RGS8: variants seen among roughly 807,000 people sequenced by gnomAD.
RGS8 encodes regulator of G-protein signaling 8.
RGS8 carries 8 observed loss-of-function variants against 21.7 expected under a neutral mutation model. That is an observed-to-expected ratio of 0.37 (90% CI 0.22 to 0.66). The LOEUF (loss-of-function observed/expected upper bound fraction) is 0.66. Ranked by LOEUF, RGS8 falls within the 30% of genes least tolerant of loss-of-function variation. RGS8 has a pLI of 0.59. For missense variants in RGS8, 157 were observed against 217.9 expected (o/e 0.72, Z 1.76); for synonymous variants, 80 against 83.6 (o/e 0.96, Z 0.24).
At chr1:182,656,031 T>C (rs149142670) in intron 5 of RGS8, among the ~76,000 whole-genome samples, 8 of 152,334 alleles carry the variant, frequency 5.3e-5, no homozygotes, top group African/African-American at 1.9e-4. Flanking sequence ...ACTTACTGAA[T>C]TGGGCTGTTA....
chr1:182,672,661 A>G (rs988657029), upstream of RGS8, among the ~76,000 whole-genome samples: 4 of 152,048 alleles, frequency 2.6e-5, no homozygotes, highest in Admixed American at 2.6e-4. Context: ...GGTTTTTCCT[A>G]CAGTAGAAAC....
rs1426867194 is a variant in RGS8 at position 182,669,742 on chromosome 1, C to T, written c.-93G>A. On this transcript the variant is annotated 5_prime_UTR_variant, in exon 3 of 7. It adds an upstream start codon to the 5' untranslated region. Transcript: ENST00000483095. Reference sequence around the variant, plus strand: ...CGGGGCTCAGGAATTTACCCTTGCACGTCCTCTCACCTAAAATCAAAGAAT... The same window carrying T: ...CGGGGCTCAGGAATTTACCCTTGCATGTCCTCTCACCTAAAATCAAAGAAT... 4.3e-5 allele frequency: 68 copies of T among 1,597,142 alleles called. No individual in the cohort carries two copies. Among genetic ancestry groups the T allele is most frequent in the Non-Finnish European group, 4.9e-5 (57 of 1,170,064 alleles).
chr1:182,749,582 T>C, the RGS8 span, among the ~76,000 whole-genome samples: 133 of 152,354 alleles, frequency 8.7e-4, no homozygotes, highest in Admixed American at 1.6e-3. Context: ...TGAGGTCTTT[T>C]GTGATTCCAT....
At chr1:182,743,002 C>A in the RGS8 span, among the ~76,000 whole-genome samples, 1 of 152,150 alleles carries the variant, frequency 6.6e-6, no homozygotes, top group Non-Finnish European at 1.5e-5. Context: ...ACTGATCAAC[C>A]TCTTTCAGCA....
chr1:182,741,697 C>A, the RGS8 span, among the ~76,000 whole-genome samples: 1 of 105,330 alleles, frequency 9.5e-6, no homozygotes. Flanking sequence ...CCAGTAGGGG[C>A]GGCCGGGCAG....
At chr1:182,706,310 A>C in the RGS8 span, among the ~76,000 whole-genome samples, 1 of 152,092 alleles carries the variant, frequency 6.6e-6, no homozygotes, top group African/African-American at 2.4e-5. Flanking sequence ...TTTATATGTC[A>C]GGACAACAAT....
intron 1 of RGS8, among the ~76,000 whole-genome samples, chr1:182,680,505 C>T (rs759029299): frequency 9.2e-5 from 14 of 152,156 alleles, no homozygotes; most frequent in Non-Finnish European, 1.8e-4. Flanking sequence ...AGGAAATGCC[C>T]TCTGTGCTCC....
intron 5 of RGS8, among the ~76,000 whole-genome samples, chr1:182,649,905 C>CTT (rs920729497): frequency 0.012 from 1,603 of 128,488 alleles, 57 homozygotes; most frequent in African/African-American, 0.043. Flanking sequence ...GTTAACAACT[C>CTT]TTTTTTTTTT....
At chr1:182,661,388 C>T (rs763363602) in intron 5 of RGS8, among the ~76,000 whole-genome samples, 2 of 151,984 alleles carry the variant, frequency 1.3e-5, no homozygotes, top group Non-Finnish European at 2.9e-5. Context: ...TGCTCATTCA[C>T]CCAGCTGTGT....
downstream of RGS8, chr1:182,645,099 C>T (rs1457988151): frequency 1.3e-5 from 2 of 152,262 alleles, no homozygotes; most frequent in African/African-American, 4.8e-5. Context: ...CTCAAAGTTA[C>T]TGGAGAGGAA....
the RGS8 span, among the ~76,000 whole-genome samples, chr1:182,712,337 A>C: frequency 6.6e-6 from 1 of 152,246 alleles, no homozygotes; most frequent in Non-Finnish European, 1.5e-5. Context: ...ATCCATGGCC[A>C]CATTTGACCT....
At chr1:182,694,807 C>CA in the RGS8 span, among the ~76,000 whole-genome samples, 2,450 of 92,038 alleles carry the variant, frequency 0.027, 27 homozygotes, top group Middle Eastern at 0.07. Flanking sequence ...GACTCCTACT[C>CA]AAAAAAAAAA....
At chr1:182,648,399 C>A in intron 5 of RGS8, 96 bp from the exon 7 acceptor site, 1 of 1,300,980 alleles carries the variant, frequency 7.7e-7, no homozygotes, top group South Asian at 1.4e-5. Flanking sequence ...TGAGGGTGCC[C>A]CTAATTGTCC....
At chr1:182,707,155 T>C in the RGS8 span, among the ~76,000 whole-genome samples, 1 of 151,876 alleles carries the variant, frequency 6.6e-6, no homozygotes, top group African/African-American at 2.4e-5. Context: ...TGGGACTCCA[T>C]CTCAAAAAAC....
At chr1:182,731,469 C>T in the RGS8 span, among the ~76,000 whole-genome samples, 21 of 152,194 alleles carry the variant, frequency 1.4e-4, no homozygotes, top group African/African-American at 4.3e-4. Flanking sequence ...CCAATTATAA[C>T]GAAAACATTT....
chr1:182,707,797 C>T, the RGS8 span, among the ~76,000 whole-genome samples: 1 of 152,154 alleles, frequency 6.6e-6, no homozygotes, highest in South Asian at 2.1e-4. Flanking sequence ...AGCTCTGCCT[C>T]CCGGGTTCAC....
chr1:182,678,891 C>T (rs1197791089), intron 1 of RGS8, among the ~76,000 whole-genome samples: 1 of 152,148 alleles, frequency 6.6e-6, no homozygotes, highest in Non-Finnish European at 1.5e-5. Context: ...GATCTCCTGT[C>T]CCATCAAGAT....
At chr1:182,700,660 T>A in the RGS8 span, among the ~76,000 whole-genome samples, 2 of 152,228 alleles carry the variant, frequency 1.3e-5, no homozygotes, top group African/African-American at 4.8e-5. Context: ...ATGCTTTTTG[T>A]TAGAGTTCTC....
chr1:182,696,220 C>T, the RGS8 span, among the ~76,000 whole-genome samples: 4 of 152,144 alleles, frequency 2.6e-5, no homozygotes, highest in Non-Finnish European at 4.4e-5. Flanking sequence ...TTAGACATCC[C>T]AAAGCCATTC....
Sources: allele counts gnomAD v4.1 joint callset (sites outside exome capture counted in the v4.1 genomes callset), GRCh38; gene constraint gnomAD v4.1.1; transcripts MANE v1.5; gene names NCBI Gene and HGNC (gene_info 2026-07-23, HGNC 2026-07-21).